OXR1: variants seen among roughly 807,000 people sequenced by gnomAD.
OXR1 encodes the protein oxidation resistance 1.
OXR1 carries 41 observed loss-of-function variants against 104.6 expected under a neutral mutation model. The observed-to-expected ratio is 0.39, with a 90% CI of 0.31 to 0.51. The LOEUF (loss-of-function observed/expected upper bound fraction) is 0.51. OXR1 is among the 20% of genes least tolerant of loss of function. The pLI is 0.77. For missense variants in OXR1, 955 were observed against 1,031.9 expected (o/e 0.93, Z 1.02); for synonymous variants, 348 against 348.4 (o/e 1.00, Z 0.01).
At chr8:106,455,447 C>T (rs778266978) in intron 2 of OXR1, among the ~76,000 whole-genome samples, 1 of 152,158 alleles carries the variant, frequency 6.6e-6, no homozygotes, top group Non-Finnish European at 1.5e-5. Context: ...AGTTGAAATA[C>T]TGTCTATTGA....
intron 3 of OXR1, among the ~76,000 whole-genome samples, chr8:106,587,519 A>G (rs144484586): frequency 6.6e-6 from 1 of 152,228 alleles, no homozygotes; most frequent in African/African-American, 2.4e-5. Flanking sequence ...TTGAAAATAC[A>G]AAGACATCTT....
At chr8:106,547,748 C>T (rs1169631647) in intron 3 of OXR1, among the ~76,000 whole-genome samples, 1 of 152,138 alleles carries the variant, frequency 6.6e-6, no homozygotes, top group Admixed American at 6.5e-5. Flanking sequence ...CGTGGATCAC[C>T]TGCCTTGTCC....
At chr8:106,588,824 T>G (rs1351004295) in intron 3 of OXR1, among the ~76,000 whole-genome samples, 1 of 152,202 alleles carries the variant, frequency 6.6e-6, no homozygotes, top group African/African-American at 2.4e-5. Flanking sequence ...TATGGTATAA[T>G]AGTTAAAAGC....
intron 1 of OXR1, among the ~76,000 whole-genome samples, chr8:106,287,340 C>T (rs927355310): frequency 3.9e-5 from 6 of 152,114 alleles, no homozygotes; most frequent in Admixed American, 3.9e-4. Flanking sequence ...ATAATAATTT[C>T]TGCTAAGATG....
chr8:106,505,064 G>T (rs540290660), intron 2 of OXR1, among the ~76,000 whole-genome samples: 14 of 152,292 alleles, frequency 9.2e-5, no homozygotes, highest in Admixed American at 6.5e-4. Flanking sequence ...ATAATTTTCA[G>T]ATTTAAAAAT....
intron 1 of OXR1, among the ~76,000 whole-genome samples, chr8:106,339,185 C>T (rs1815091370): frequency 6.6e-6 from 1 of 151,770 alleles, no homozygotes; most frequent in Admixed American, 6.6e-5. Flanking sequence ...ATGTATTCAG[C>T]TATAAATATT....
intron 7 of OXR1, among the ~76,000 whole-genome samples, chr8:106,694,446 T>TTATATATATTTGATATATAAATATATTTA (rs1563715705): frequency 3.7e-4 from 50 of 136,278 alleles, no homozygotes; most frequent in East Asian, 6.8e-4. Flanking sequence ...AAATATATTT[T>TTATATATATTTGATATATAAATATATTTA]TATATATATT....
rs1312626347 is a variant in OXR1 at position 106,751,378 on chromosome 8, A to G, written c.*437A>G. On this transcript the variant is annotated 3_prime_UTR_variant, in exon 17 of 17. Transcript: ENST00000517566. ...ATACTTCTGTATCTGTGAAGTTGGC[A>G]CAGGTAACATTTGGACATGTTCATC... 6.5e-6 allele frequency: 1 copy of G among 152,978 alleles called. No homozygotes were observed. Among genetic ancestry groups the G allele is most frequent in the East Asian group, 1.9e-4 (1 of 5,200 alleles). The allele number at this position is 152,978 out of a possible 1,614,324, so 9.5% of individuals were successfully genotyped here. A position where few individuals can be genotyped will look rare whatever the true frequency, so the allele number is the denominator to read the frequency against.
At chr8:106,684,406 T>C in intron 6 of OXR1, 47 bp downstream of exon 6, 1 of 883,474 alleles carries the variant, frequency 1.1e-6, no homozygotes, top group Non-Finnish European at 1.9e-6. Context: ...AATCTCACTT[T>C]GTCTACATTG....
At position 106,548,843 on chromosome 8, in the gene OXR1, G is replaced by T. The variant is rs149327003; in HGVS notation, c.220+29704G>T. On this transcript the variant is annotated intron_variant, in intron 3 of 16. Transcript: ENST00000517566. ...TCTCAAAATATTTGGGAATTCAGAGGTAATGTAGTCTGTGAATATTATAAA... is the reference window on the plus strand; with the variant it reads ...TCTCAAAATATTTGGGAATTCAGAGTTAATGTAGTCTGTGAATATTATAAA... Among the ~76,000 whole-genome samples the T allele has an allele frequency of 4.6e-3, 694 of 152,264 alleles. 4 individuals carry two copies. The highest frequency in any genetic ancestry group is 0.016 in the African/African-American group (657 of 41,538).
chr8:106,541,529 G>A (rs1814951148), intron 3 of OXR1, among the ~76,000 whole-genome samples: 1 of 152,216 alleles, frequency 6.6e-6, no homozygotes. Flanking sequence ...GTGCTAGCAT[G>A]TACTGCATGT....
intron 2 of OXR1, among the ~76,000 whole-genome samples, chr8:106,497,034 T>C (rs561003272): frequency 5.1e-4 from 78 of 152,258 alleles, no homozygotes; most frequent in Non-Finnish European, 1.0e-3. Flanking sequence ...ACAAAAGTGA[T>C]TGAGATTGAA....
At chr8:106,658,139 G>C in intron 3 of OXR1, 1 of 1,246,090 alleles carries the variant, frequency 8.0e-7, no homozygotes. Context: ...TCGGGTGCGG[G>C]TCCCCGCCCC....
chr8:106,398,759 C>T (rs906107106), intron 2 of OXR1, among the ~76,000 whole-genome samples: 1 of 152,086 alleles, frequency 6.6e-6, no homozygotes, highest in Non-Finnish European at 1.5e-5. Flanking sequence ...GCCACCCACC[C>T]CACCTCTGGT....
At chr8:106,513,637 C>T (rs1029615739) in intron 2 of OXR1, among the ~76,000 whole-genome samples, 7 of 152,242 alleles carry the variant, frequency 4.6e-5, no homozygotes, top group East Asian at 3.9e-4. Flanking sequence ...CAGTGTTTAT[C>T]GAAAGTGGTA....
intron 2 of OXR1, among the ~76,000 whole-genome samples, chr8:106,497,561 T>C (rs1811494497): frequency 6.6e-6 from 1 of 152,212 alleles, no homozygotes; most frequent in African/African-American, 2.4e-5. Context: ...CTGGCTCATG[T>C]GGTGAAGGTT....
chr8:106,373,593 G>A (rs570909845), intron 2 of OXR1, among the ~76,000 whole-genome samples: 5 of 152,274 alleles, frequency 3.3e-5, no homozygotes, highest in South Asian at 2.1e-4. Context: ...AAGATAGGGT[G>A]TTCTTTAATA....
chr8:106,316,713 CTATCATCTATCTATCTATCTATCTATCT>C (rs1207184677), intron 1 of OXR1, among the ~76,000 whole-genome samples: 9 of 114,132 alleles, frequency 7.9e-5, no homozygotes, highest in Admixed American at 1.9e-4. Context: ...ATCTATCTAT[CTATCATCTATCTATCTATCTATCTATCT>C]ATCTATCTAT....
intron 2 of OXR1, among the ~76,000 whole-genome samples, chr8:106,463,987 A>G (rs372940688): frequency 3.3e-5 from 5 of 152,092 alleles, no homozygotes; most frequent in East Asian, 1.9e-4. Flanking sequence ...GATCGTTCCA[A>G]TTGCAGAATG....
Sources: gnomAD v4.1 joint callset for allele counts (sites outside exome capture counted in the v4.1 genomes callset) on GRCh38, gnomAD v4.1.1 for gene constraint, MANE v1.5 for transcripts, NCBI Gene and HGNC (gene_info 2026-07-23, HGNC 2026-07-21) for gene names.